CPED1: variants seen among roughly 807,000 people sequenced by gnomAD.
CPED1 encodes the protein cadherin-like and PC-esterase domain-containing protein 1.
CPED1 carries 114 observed loss-of-function variants against 128.2 expected under a neutral mutation model. The ratio of observed to expected loss-of-function variants is 0.89; its 90% CI spans 0.76 to 1.04. The LOEUF (loss-of-function observed/expected upper bound fraction) is 1.04, where lower values mean the gene tolerates loss of function less well. Among genes scored for constraint, CPED1 ranks in the 50% least tolerant of loss-of-function variants. The pLI is 0.00. For missense variants in CPED1, 1,211 were observed against 1,207.1 expected (o/e 1.00, Z -0.05); for synonymous variants, 462 against 426.7 (o/e 1.08, Z -1.02).
At chr7:121,022,779 C>T (rs542258224) in intron 3 of CPED1, among the ~76,000 whole-genome samples, 27 of 152,174 alleles carry the variant, frequency 1.8e-4, no homozygotes, top group Non-Finnish European at 2.2e-4. Context: ...TCAAAAACCG[C>T]GTCATATCAC....
chr7:121,079,118 A>G (rs1303718402), intron 5 of CPED1, among the ~76,000 whole-genome samples: 1 of 152,188 alleles, frequency 6.6e-6, no homozygotes, highest in Non-Finnish European at 1.5e-5. Context: ...CCCTATCTTC[A>G]CATACACCCA....
At chr7:121,046,242 C>T (rs888305741) in intron 3 of CPED1, among the ~76,000 whole-genome samples, 5 of 152,064 alleles carry the variant, frequency 3.3e-5, no homozygotes, top group East Asian at 1.9e-4. Context: ...CATTTGCTTT[C>T]GTCTGTGTTA....
At chr7:121,021,389 G>T (rs1395140819) in intron 3 of CPED1, among the ~76,000 whole-genome samples, 2 of 151,842 alleles carry the variant, frequency 1.3e-5, no homozygotes, top group Non-Finnish European at 2.9e-5. Context: ...AATTTTGAAG[G>T]TTATTTATAG....
rs1554425202 is a variant in CPED1, at chr7:121,036,489, G to GTGTA, written c.434-10397_434-10396insGTAT. ...GGTTGGGTAGTATTCCATGGTGTGTGTATATATATATATATATATTTTTTT... is the reference window on the plus strand; with the variant it reads ...GGTTGGGTAGTATTCCATGGTGTGTGTGTATATATATATATATATATATTTTTTT... On this transcript the variant is annotated intron_variant, in intron 3 of 22. Transcript: ENST00000310396. 8.3e-3 allele frequency among the ~76,000 whole-genome samples: 1,151 copies of GTGTA among 138,466 alleles called. 4 individuals carry two copies. Among genetic ancestry groups the GTGTA allele is most frequent in the South Asian group, 0.014 (60 of 4,262 alleles). 90.8% of individuals were successfully genotyped at this position (138,466 alleles called of 152,430 possible).
intron 5 of CPED1, among the ~76,000 whole-genome samples, chr7:121,071,852 C>T (rs536821825): frequency 6.6e-6 from 1 of 152,272 alleles, no homozygotes; most frequent in South Asian, 2.1e-4. Context: ...TCTTCAGCTT[C>T]AGCTTCAGCC....
intron 7 of CPED1, among the ~76,000 whole-genome samples, chr7:121,120,995 A>AAT (rs1795372200): frequency 6.7e-6 from 1 of 150,194 alleles, no homozygotes. Context: ...AAACAAAAAA[A>AAT]CTCACAGTCT....
intron 16 of CPED1, among the ~76,000 whole-genome samples, chr7:121,191,867 A>G (rs1797147959): frequency 6.6e-6 from 1 of 152,126 alleles, no homozygotes; most frequent in Admixed American, 6.6e-5. Flanking sequence ...CTGGCACTAC[A>G]GTTAGGTCCA....
chr7:121,037,897 C>A (rs1394262071), intron 3 of CPED1, among the ~76,000 whole-genome samples: 1 of 151,974 alleles, frequency 6.6e-6, no homozygotes, highest in Non-Finnish European at 1.5e-5. Context: ...ATTTTTGCAG[C>A]TATTTTGAAA....
At chr7:121,257,579 C>T (rs1791914834) in intron 18 of CPED1, among the ~76,000 whole-genome samples, 1 of 151,900 alleles carries the variant, frequency 6.6e-6, no homozygotes. Context: ...ATATTTCACA[C>T]AACACAGAGA....
At chr7:121,006,464 T>C (rs1395208298) in intron 2 of CPED1, among the ~76,000 whole-genome samples, 1 of 151,988 alleles carries the variant, frequency 6.6e-6, no homozygotes, top group Non-Finnish European at 1.5e-5. Flanking sequence ...TGTTAAGTGC[T>C]ATGTGAGTGT....
At chr7:121,254,592 A>G (rs1343560531) in intron 18 of CPED1, among the ~76,000 whole-genome samples, 1 of 152,052 alleles carries the variant, frequency 6.6e-6, no homozygotes, top group Non-Finnish European at 1.5e-5. Flanking sequence ...AGATGTAAAA[A>G]TCCTTACAAA....
chr7:121,181,904 A>G (rs1351926898), intron 16 of CPED1, among the ~76,000 whole-genome samples: 3 of 152,106 alleles, frequency 2.0e-5, no homozygotes, highest in Non-Finnish European at 4.4e-5. Flanking sequence ...GGCATATTGT[A>G]GTCTTACAAC....
chr7:121,240,971 G>C (rs1171059362), intron 17 of CPED1, among the ~76,000 whole-genome samples: 1 of 152,014 alleles, frequency 6.6e-6, no homozygotes, highest in Non-Finnish European at 1.5e-5. Flanking sequence ...ATGTGGAGGA[G>C]GTTGGTTATT....
chr7:121,029,370 G>A (rs1792674703), intron 3 of CPED1, among the ~76,000 whole-genome samples: 1 of 152,138 alleles, frequency 6.6e-6, no homozygotes, highest in Non-Finnish European at 1.5e-5. Flanking sequence ...AATAAGTGAG[G>A]CTGTTTTAAG....
At chr7:121,015,637 A>T in intron 2 of CPED1, 28 bp from the exon 3 acceptor site, 2 of 1,574,282 alleles carry the variant, frequency 1.3e-6, no homozygotes, top group Middle Eastern at 1.7e-4. Flanking sequence ...ACTTTTTTAT[A>T]TTGAATTTTT....
intron 17 of CPED1, among the ~76,000 whole-genome samples, chr7:121,243,570 A>T (rs943828318): frequency 6.6e-6 from 1 of 152,208 alleles, no homozygotes; most frequent in African/African-American, 2.4e-5. Context: ...ACATTATTCC[A>T]TTACATTGTT....
chr7:121,229,510 A>T (rs1454534921), intron 16 of CPED1, among the ~76,000 whole-genome samples: 2 of 48,712 alleles, frequency 4.1e-5, no homozygotes, highest in African/African-American at 7.4e-5. Context: ...TCGTAGTAGA[A>T]ATGAAATGAA....
At chr7:121,047,712 C>CT (rs1793247692) in intron 4 of CPED1, among the ~76,000 whole-genome samples, 1 of 60,152 alleles carries the variant, frequency 1.7e-5, no homozygotes, top group Admixed American at 2.2e-4. Flanking sequence ...TCTTCTTCTT[C>CT]TTCTTTTTTT....
chr7:121,079,984 T>A (rs541981259), intron 5 of CPED1, among the ~76,000 whole-genome samples: 1 of 152,316 alleles, frequency 6.6e-6, no homozygotes, highest in South Asian at 2.1e-4. Flanking sequence ...AAGAAAGATA[T>A]TCAGTTTTTT....
Sources: allele counts gnomAD v4.1 joint callset (sites outside exome capture counted in the v4.1 genomes callset), GRCh38; gene constraint gnomAD v4.1.1; transcripts MANE v1.5; gene names NCBI Gene and HGNC (gene_info 2026-07-23, HGNC 2026-07-21).